Variants in SNX7 observed in about 807,000 individuals in gnomAD.
SNX7 encodes the protein sorting nexin 7, also known as sorting nexin-7.
A neutral mutation model predicts 48.4 loss-of-function variants in SNX7; 35 were observed. That is an observed-to-expected ratio of 0.72 (90% CI 0.55 to 0.96). SNX7 has a LOEUF of 0.96. Ranked by LOEUF, SNX7 falls within the 40% of genes least tolerant of loss-of-function variation. The pLI is 0.00. For missense variants in SNX7, 553 were observed against 548.9 expected, an observed-to-expected ratio of 1.01 and a Z score of -0.07; for synonymous variants, 190 against 190.2, an observed-to-expected ratio of 1.00 and a Z score of 0.01.
At chr1:98,691,367 T>C (rs909542695) in intron 3 of SNX7, among the ~76,000 whole-genome samples, 168 bp from the exon 4 acceptor site, 2 of 152,016 alleles carry the variant, frequency 1.3e-5, no homozygotes, top group East Asian at 1.9e-4. Context: ...CTCTTCATAA[T>C]GTGTTATGAT....
chr1:98,669,789 C>G (rs914476230), intron 1 of SNX7, among the ~76,000 whole-genome samples: 2 of 152,188 alleles, frequency 1.3e-5, no homozygotes, highest in Non-Finnish European at 2.9e-5. Flanking sequence ...TTCTTCAATC[C>G]TCAGCTGGAA....
intron 1 of SNX7, among the ~76,000 whole-genome samples, chr1:98,673,554 A>G (rs1649993025): frequency 6.6e-6 from 1 of 152,182 alleles, no homozygotes; most frequent in Admixed American, 6.5e-5. Flanking sequence ...TATAAGCTTC[A>G]TGAGAGCAGG....
At chr1:98,748,306 A>C (rs532225194) in intron 8 of SNX7, among the ~76,000 whole-genome samples, 53 of 151,856 alleles carry the variant, frequency 3.5e-4, no homozygotes, top group Non-Finnish European at 6.8e-4. Context: ...AGTCTTAAAA[A>C]CTTCAATTGA....
At chr1:98,751,272 G>A (rs1557839416) in intron 8 of SNX7, among the ~76,000 whole-genome samples, 1 of 152,006 alleles carries the variant, frequency 6.6e-6, no homozygotes, top group Non-Finnish European at 1.5e-5. Context: ...TATGAGAGCC[G>A]AAGAGACATT....
chr1:98,718,832 C>G (rs1388889967), intron 7 of SNX7, among the ~76,000 whole-genome samples: 1 of 152,010 alleles, frequency 6.6e-6, no homozygotes, highest in Non-Finnish European at 1.5e-5. Flanking sequence ...CTGCACTGTG[C>G]TTTTTTAATG....
intron 2 of SNX7, among the ~76,000 whole-genome samples, chr1:98,688,744 A>G (rs185582292): frequency 6.6e-6 from 1 of 152,308 alleles, no homozygotes; most frequent in African/African-American, 2.4e-5. Context: ...AGCATTTTCA[A>G]TGTTGCTTCC....
At chr1:98,668,300 A>G (rs1203613307) in intron 1 of SNX7, among the ~76,000 whole-genome samples, 2 of 152,230 alleles carry the variant, frequency 1.3e-5, no homozygotes, top group Admixed American at 1.3e-4. Context: ...TTTCAAGGTC[A>G]TATAGGGTAT....
At chr1:98,748,492 G>A (rs1466976812) in intron 8 of SNX7, among the ~76,000 whole-genome samples, 1 of 152,026 alleles carries the variant, frequency 6.6e-6, no homozygotes, top group African/African-American at 2.4e-5. Flanking sequence ...TGCGTAGAAG[G>A]AGATTACACA....
chr1:98,747,628 G>A (rs1380829715), intron 8 of SNX7, among the ~76,000 whole-genome samples: 1 of 152,122 alleles, frequency 6.6e-6, no homozygotes, highest in Non-Finnish European at 1.5e-5. Flanking sequence ...GTTTTTACAA[G>A]TCTGTTGATC....
At position 98,690,259 on chromosome 1, in the gene SNX7, GTGAC is replaced by G. The variant is rs146486468; in HGVS notation, c.364-813_364-810del. On this transcript the variant is annotated intron_variant, in intron 2 of 8. Transcript: ENST00000306121. Reference sequence around the variant, plus strand: ...TCAGTTAAATAAGGTATTGGTGTGAGTGACTGTTTTCCTATGAGAGGTGAGTGTA... The same window carrying G: ...TCAGTTAAATAAGGTATTGGTGTGAGTGTTTTCCTATGAGAGGTGAGTGTA... 4.9e-3 allele frequency among the ~76,000 whole-genome samples: 748 copies of G among 152,156 alleles called. 3 individuals are homozygous for G. The highest frequency in any genetic ancestry group is 7.7e-3 in the Non-Finnish European group (521 of 67,938).
chr1:98,752,894 C>T (rs1440721308), intron 8 of SNX7, among the ~76,000 whole-genome samples: 1 of 152,048 alleles, frequency 6.6e-6, no homozygotes, highest in Non-Finnish European at 1.5e-5. Flanking sequence ...TTACCTACTT[C>T]TCCTTCCAAA....
chr1:98,662,573 T>C lies in SNX7; in HGVS notation c.180+662T>C, dbSNP rs943204437. On this transcript the variant is annotated intron_variant, in intron 1 of 8. Transcript: ENST00000306121. ...GGAAATTTAGGACCAAAGGCTCTTATTTGCTTATTTTACTGTTGGAGGGAA... is the reference window on the plus strand; with the variant it reads ...GGAAATTTAGGACCAAAGGCTCTTACTTGCTTATTTTACTGTTGGAGGGAA... The C allele has an allele frequency of 2.4e-5, 21 of 877,908 alleles. No individual in the cohort carries two copies. In the African/African-American group the frequency reaches 3.2e-4, roughly 13 times the overall value. 54.4% of individuals were successfully genotyped at this position (877,908 alleles called of 1,614,324 possible).
intron 7 of SNX7, among the ~76,000 whole-genome samples, chr1:98,724,921 A>C (rs996479849): frequency 6.6e-6 from 1 of 152,182 alleles, no homozygotes; most frequent in Non-Finnish European, 1.5e-5. Context: ...CTCCTCTAGA[A>C]TCATCATGCT....
chr1:98,668,390 C>G (rs1649659328), intron 1 of SNX7, among the ~76,000 whole-genome samples: 1 of 152,162 alleles, frequency 6.6e-6, no homozygotes, highest in Non-Finnish European at 1.5e-5. Context: ...GGAGAATTAA[C>G]AGTTGATGTC....
At chr1:98,701,694 T>A in intron 6 of SNX7, 123 bp from the exon 7 acceptor site, 1 of 559,910 alleles carries the variant, frequency 1.8e-6, no homozygotes, top group Non-Finnish European at 3.0e-6. Context: ...ATGTATTATA[T>A]CCCCAAATGA....
intron 7 of SNX7, among the ~76,000 whole-genome samples, chr1:98,718,030 A>C (rs1652680647): frequency 6.6e-6 from 1 of 152,120 alleles, no homozygotes; most frequent in Non-Finnish European, 1.5e-5. Flanking sequence ...GGCACTCCAT[A>C]AATGAGGAAA....
intron 1 of SNX7, among the ~76,000 whole-genome samples, chr1:98,673,787 T>C (rs1187081495): frequency 6.6e-6 from 1 of 152,236 alleles, no homozygotes; most frequent in Non-Finnish European, 1.5e-5. Flanking sequence ...CTGTAAAATA[T>C]GGACAATGAT....
chr1:98,716,499 G>A (rs1262524046), intron 7 of SNX7, among the ~76,000 whole-genome samples: 1 of 152,140 alleles, frequency 6.6e-6, no homozygotes. Flanking sequence ...GTTTATAGTT[G>A]CTCTCAAATG....
chr1:98,713,131 C>A (rs1396747065), intron 7 of SNX7, among the ~76,000 whole-genome samples: 1 of 149,642 alleles, frequency 6.7e-6, no homozygotes, highest in East Asian at 1.9e-4. Flanking sequence ...CATTGAAAAT[C>A]TGTTGTTTGT....
Sources: allele counts gnomAD v4.1 joint callset (sites outside exome capture counted in the v4.1 genomes callset), GRCh38; gene constraint gnomAD v4.1.1; transcripts MANE v1.5; gene names NCBI Gene and HGNC (gene_info 2026-07-23, HGNC 2026-07-21).